The following ERCC6 variants were observed in gnomAD, a reference collection of about 807,000 sequenced individuals.
ERCC6 encodes the protein DNA excision repair protein ERCC-6.
Under a neutral mutation model 158.7 loss-of-function variants are expected in ERCC6, and 116 were observed. The ratio of observed to expected loss-of-function variants is 0.73; its 90% CI spans 0.63 to 0.85. ERCC6 has a LOEUF of 0.85. Among genes scored for constraint, ERCC6 ranks in the 40% least tolerant of loss-of-function variants. The pLI is 0.00. For missense variants in ERCC6, 1,698 were observed against 1,799.4 expected, an observed-to-expected ratio of 0.94 and a Z score of 1.02; for synonymous variants, 678 against 659.3, an observed-to-expected ratio of 1.03 and a Z score of -0.43.
At chr10:49,474,355 C>T in intron 12 of ERCC6, 113 bp from the exon 13 acceptor site, 2 of 788,440 alleles carry the variant, frequency 2.5e-6, no homozygotes, top group Middle Eastern at 3.4e-4. Flanking sequence ...TCTCCACCAG[C>T]TTCTTAGTTT....
intron 3 of ERCC6, among the ~76,000 whole-genome samples, chr10:49,530,243 T>A (rs565829726): frequency 9.2e-5 from 14 of 152,326 alleles, no homozygotes; most frequent in Admixed American, 5.9e-4. Context: ...TTTTCTCAAA[T>A]ACACAGATGG....
In ERCC6 at chr10:49,497,368, C is replaced by T. The variant is rs193111084; in HGVS notation, c.1685+3170G>A. 1.2e-4 allele frequency among the ~76,000 whole-genome samples: 19 copies of T among 152,372 alleles called. No individual in the cohort carries two copies. The East Asian group carries it at 2.1e-3, about 17-fold the overall frequency. ...CTAAAATATTTTTACAACAAACTCA[C>T]ATTCAAATAAGCATAAACACATGCA... On this transcript the variant is annotated intron_variant, in intron 7 of 20. Coordinates refer to ENST00000355832, the MANE Select transcript of ERCC6 (RefSeq NM_000124.4).
At chr10:49,525,784 C>A (rs751643032) in intron 4 of ERCC6, among the ~76,000 whole-genome samples, 2 of 151,996 alleles carry the variant, frequency 1.3e-5, no homozygotes, top group Middle Eastern at 3.2e-3. Flanking sequence ...ATTACTAGCA[C>A]CACCAGATGA....
chr10:49,528,429 C>T lies in ERCC6; in HGVS notation c.640G>A (p.Glu214Lys). 1.2e-6 allele frequency: 2 copies of T among 1,614,216 alleles called. No individual in the cohort carries two copies. The highest frequency in any genetic ancestry group is 2.2e-5 in the South Asian group (2 of 91,084). The change falls in exon 4 of 21, where the codon GAG becomes AAG. Residue 214 changes from glutamate (E) to lysine (K), a missense_variant. By Grantham distance (56) the Glu-to-Lys change is moderately conservative (BLOSUM62 1). Transcript: ENST00000355832. The part of the protein sequence containing the change: ...VKIELDHASL[E>K]EDAEPGPSSL... ...CTAGCATCCTCACCTGCATCCTCCT[C>T]CAGACTGGCGTGATCTAGTTCAATT... is the stretch of plus-strand genomic sequence containing the variant.
At chr10:49,442,975 CTCTG>C in the ERCC6 span, among the ~76,000 whole-genome samples, 1 of 152,196 alleles carries the variant, frequency 6.6e-6, no homozygotes, top group South Asian at 2.1e-4. Context: ...TAGAGTGTCA[CTCTG>C]TCTGCAGATA....
downstream of ERCC6, among the ~76,000 whole-genome samples, chr10:49,452,583 C>T (rs1850432326): frequency 6.6e-6 from 1 of 152,056 alleles, no homozygotes; most frequent in Non-Finnish European, 1.5e-5. Context: ...CTATAGATGT[C>T]TGTTAGGGCT....
In ERCC6 at chr10:49,532,613, G is replaced by A. The variant is rs377708438; in HGVS notation, c.352C>T (p.His118Tyr). Residue 118 changes from histidine to tyrosine, a missense_variant, in exon 2 of 21, where the codon CAT (histidine) becomes TAT (tyrosine). His to Tyr is a moderately conservative substitution (Grantham distance 83). Coordinates refer to ENST00000355832, the MANE Select transcript of ERCC6 (RefSeq NM_000124.4). Reference sequence around the variant, plus strand: ...AGCTGGGAGGCACGGCTGGCCTCATGGATGGCATTGTCCACCTGCTGAAGC... The same window carrying A: ...AGCTGGGAGGCACGGCTGGCCTCATAGATGGCATTGTCCACCTGCTGAAGC... ...GVLQQVDNAI[H>Y]EASRASQLVD... The A allele has an allele frequency of 5.5e-5, 88 of 1,614,092 alleles. No individual in the cohort carries two copies. The highest frequency in any genetic ancestry group is 3.5e-4 in the South Asian group (32 of 91,086).
intron 1 of ERCC6, among the ~76,000 whole-genome samples, chr10:49,534,692 A>T (rs1049841581): frequency 6.6e-6 from 1 of 152,234 alleles, no homozygotes; most frequent in African/African-American, 2.4e-5. Flanking sequence ...TATTACCTAT[A>T]CAACTATCAC....
Position 49,457,334 on chromosome 10 carries a change from CA to C in ERCC6, c.*1480del, listed in dbSNP as rs1850499695. On this transcript the variant is annotated 3_prime_UTR_variant, in exon 21 of 21. Transcript: ENST00000355832. ...CATTATATATAAACCAAACTAAAAA[CA>C]AAAGAAATGAACAAGCTATAATCCA... 2 of 151,942 alleles carry C rather than the reference CA, an allele frequency of 1.3e-5. No individual in the cohort carries two copies. The highest frequency in any genetic ancestry group is 4.8e-5 in the African/African-American group (2 of 41,362). The allele number at this position is 151,942 out of a possible 1,614,324, so 9.4% of individuals were successfully genotyped here. A position where few individuals can be genotyped will look rare whatever the true frequency, so the allele number is the denominator to read the frequency against.
chr10:49,495,748 C>A (rs1851256241), intron 7 of ERCC6, among the ~76,000 whole-genome samples: 2 of 152,056 alleles, frequency 1.3e-5, no homozygotes, highest in South Asian at 4.2e-4. Flanking sequence ...CCACGAGCAA[C>A]CTACACTGAG....
intron 1 of ERCC6, 67 bp from the exon 2 acceptor site, chr10:49,533,045 T>C: frequency 6.6e-7 from 1 of 1,524,064 alleles, no homozygotes; most frequent in Non-Finnish European, 8.9e-7. Context: ...AAATATTTTA[T>C]AATTAGAGCA....
chr10:49,450,797 G>T (rs1317199463), downstream of ERCC6, among the ~76,000 whole-genome samples: 1 of 150,326 alleles, frequency 6.7e-6, no homozygotes, highest in Non-Finnish European at 1.5e-5. Flanking sequence ...ATTATTCATT[G>T]CAAGTGTGTA....
chr10:49,502,473 G>A (rs1436426673), intron 6 of ERCC6: 2 of 152,176 alleles, frequency 1.3e-5, no homozygotes, highest in Non-Finnish European at 2.9e-5. Context: ...CTGCTGAGGA[G>A]GCACCAGGCC....
intron 5 of ERCC6, among the ~76,000 whole-genome samples, chr10:49,509,876 T>G (rs1019658481): frequency 6.6e-6 from 1 of 152,152 alleles, no homozygotes; most frequent in Admixed American, 6.6e-5. Flanking sequence ...ACACACGTAA[T>G]AGTCACAGCT....
chr10:49,519,085 A>G (rs993252084), intron 5 of ERCC6, among the ~76,000 whole-genome samples: 4 of 152,170 alleles, frequency 2.6e-5, no homozygotes, highest in African/African-American at 9.7e-5. Flanking sequence ...CCATCTCCCT[A>G]TATCCTCATC....
At chr10:49,489,855 C>T (rs1315137986) in intron 8 of ERCC6, among the ~76,000 whole-genome samples, 1 of 152,146 alleles carries the variant, frequency 6.6e-6, no homozygotes, top group Admixed American at 6.5e-5. Context: ...TCTTCATTTA[C>T]TACATTTTCT....
chr10:49,472,596 A>G (rs945633570), intron 15 of ERCC6, 126 bp from the exon 16 acceptor site: 4 of 937,836 alleles, frequency 4.3e-6, no homozygotes, highest in Non-Finnish European at 5.1e-6. Flanking sequence ...TCATGACGTC[A>G]AGTACACCTA....
At chr10:49,446,985 A>C in the ERCC6 span, among the ~76,000 whole-genome samples, 17 of 152,250 alleles carry the variant, frequency 1.1e-4, no homozygotes, top group Non-Finnish European at 7.3e-5. Flanking sequence ...GGCTCCATAC[A>C]GGATAAAAAT....
At chr10:49,493,076 G>A (rs557111372) in intron 8 of ERCC6, 41 bp downstream of exon 8, 4 of 1,603,168 alleles carry the variant, frequency 2.5e-6, no homozygotes, top group Non-Finnish European at 2.6e-6. Context: ...AAAATGGAGG[G>A]CATTAAAACA....
Sources: gnomAD v4.1 joint callset for allele counts (sites outside exome capture counted in the v4.1 genomes callset) on GRCh38, gnomAD v4.1.1 for gene constraint, MANE v1.5 for transcripts, NCBI Gene and HGNC (gene_info 2026-07-23, HGNC 2026-07-21) for gene names.